The following PPARG variants were observed in gnomAD, a reference collection of about 807,000 sequenced individuals.
PPARG encodes peroxisome proliferator activated receptor gamma.
PPARG carries 17 observed loss-of-function variants against 39.2 expected under a neutral mutation model. That is an observed-to-expected ratio of 0.43 (90% CI 0.30 to 0.65). The LOEUF is 0.65. Among genes scored for constraint, PPARG ranks in the 30% least tolerant of loss-of-function variants. PPARG has a pLI of 0.13. For missense variants in PPARG, 406 were observed against 585.9 expected (o/e 0.69, Z 3.17); for synonymous variants, 223 against 215.7 (o/e 1.03, Z -0.30).
intron 2 of PPARG, among the ~76,000 whole-genome samples, chr3:12,342,132 A>G (rs529550214): frequency 2.3e-4 from 35 of 152,322 alleles, no homozygotes; most frequent in African/African-American, 7.9e-4. Context: ...CACATCCCCT[A>G]TGGTATATTC....
At chr3:12,299,376 C>A (rs1015404900) in intron 1 of PPARG, among the ~76,000 whole-genome samples, 4 of 152,130 alleles carry the variant, frequency 2.6e-5, no homozygotes, top group African/African-American at 9.7e-5. Flanking sequence ...ACCGTGGACT[C>A]AGGGGGCTCT....
At position 12,307,296 on chromosome 3, in the gene PPARG, A is replaced by G. The variant is rs74316394; in HGVS notation, c.-82-5084A>G. On this transcript the variant is annotated intron_variant, in intron 1 of 7. Transcript: ENST00000651735. ...CGGCTCATCTTGTGTCTGGCCTCTA[A>G]TTGAATCAGTCAGCTATGGTGGGGT... is the stretch of plus-strand genomic sequence containing the variant. Among the ~76,000 whole-genome samples the G allele has an allele frequency of 6.1e-3, 934 of 152,206 alleles. 10 individuals carry two copies. The highest frequency in any genetic ancestry group is 0.021 in the African/African-American group (852 of 41,518).
chr3:12,321,036 C>G (rs570937022), intron 2 of PPARG, among the ~76,000 whole-genome samples: 3 of 152,290 alleles, frequency 2.0e-5, no homozygotes, highest in East Asian at 3.9e-4. Context: ...TCAGTTTTCT[C>G]TTTTATGTTA....
chr3:12,357,513 A>T (rs1192922554), intron 2 of PPARG, among the ~76,000 whole-genome samples: 7 of 152,180 alleles, frequency 4.6e-5, no homozygotes. Flanking sequence ...CAGGGGAATT[A>T]CATATCCTCC....
chr3:12,418,764 C>G (rs1306306619), intron 7 of PPARG, among the ~76,000 whole-genome samples: 3 of 152,180 alleles, frequency 2.0e-5, no homozygotes, highest in Non-Finnish European at 4.4e-5. Flanking sequence ...CATGCTGGCT[C>G]AGACTCTACA....
chr3:12,342,358 A>G (rs1229091494), intron 2 of PPARG, among the ~76,000 whole-genome samples: 3 of 152,192 alleles, frequency 2.0e-5, no homozygotes, highest in African/African-American at 7.2e-5. Flanking sequence ...TAGATTTAAA[A>G]CAGCTTAGGA....
At chr3:12,392,493 G>A in intron 4 of PPARG, 121 bp from the exon 5 acceptor site, 2 of 1,101,196 alleles carry the variant, frequency 1.8e-6, no homozygotes, top group South Asian at 1.3e-5. Flanking sequence ...AGTCACCAGT[G>A]ACAGAATCGT....
At chr3:12,373,050 T>C (rs1301966226) in intron 2 of PPARG, among the ~76,000 whole-genome samples, 1 of 152,198 alleles carries the variant, frequency 6.6e-6, no homozygotes, top group African/African-American at 2.4e-5. Flanking sequence ...TTCATGCAAA[T>C]ATTTTGTTCA....
chr3:12,433,823 C>G, intron 7 of PPARG, 75 bp from the exon 8 acceptor site: 1 of 1,605,856 alleles, frequency 6.2e-7, no homozygotes, highest in Non-Finnish European at 8.5e-7. Flanking sequence ...GTAGAGCTGC[C>G]TAGGCCTCCA....
At chr3:12,381,572 A>G in intron 4 of PPARG, 81 bp downstream of exon 4, 1 of 1,429,532 alleles carries the variant, frequency 7.0e-7, no homozygotes, top group African/African-American at 1.4e-5. Context: ...TAGGTGATAC[A>G]ATATATGAAT....
intron 7 of PPARG, among the ~76,000 whole-genome samples, chr3:12,425,809 G>A (rs1053907569): frequency 6.6e-6 from 1 of 152,176 alleles, no homozygotes; most frequent in Admixed American, 6.5e-5. Context: ...TGACTAGAAC[G>A]ACAGGGGGCC....
intron 1 of PPARG, among the ~76,000 whole-genome samples, chr3:12,295,338 C>A (rs1374016827): frequency 6.6e-6 from 1 of 152,056 alleles, no homozygotes; most frequent in East Asian, 1.9e-4. Context: ...CTTCAAAAAT[C>A]ATTTGCATAT....
chr3:12,376,446 G>A (rs2049413172), intron 2 of PPARG, among the ~76,000 whole-genome samples: 1 of 152,068 alleles, frequency 6.6e-6, no homozygotes, highest in African/African-American at 2.4e-5. Flanking sequence ...AAAGCAAGAG[G>A]CCCATGCACA....
At chr3:12,363,350 G>T (rs2048915105) in intron 2 of PPARG, among the ~76,000 whole-genome samples, 1 of 152,214 alleles carries the variant, frequency 6.6e-6, no homozygotes, top group South Asian at 2.1e-4. Context: ...CTTCAAATCA[G>T]CTCATAACCA....
intron 2 of PPARG, among the ~76,000 whole-genome samples, chr3:12,345,783 G>A (rs900432256): frequency 3.3e-5 from 5 of 152,308 alleles, no homozygotes; most frequent in South Asian, 4.1e-4. Flanking sequence ...GTGCAGCTCC[G>A]CGGCTCTACG....
intron 5 of PPARG, among the ~76,000 whole-genome samples, chr3:12,393,190 A>ATTTTTTTTTTTTTTTTTTTTT (rs143287325): frequency 1.8e-5 from 2 of 111,542 alleles, no homozygotes; most frequent in Non-Finnish European, 1.8e-5. Context: ...GATTCATTTA[A>ATTTTTTTTTTTTTTTTTTTTT]TTTTTTTTTT....
chr3:12,365,230 C>T (rs2048976251), intron 2 of PPARG, among the ~76,000 whole-genome samples: 1 of 152,206 alleles, frequency 6.6e-6, no homozygotes, highest in Admixed American at 6.5e-5. Context: ...CAGCCTGATT[C>T]CTCCCAGGCC....
At chr3:12,417,248 G>T in intron 7 of PPARG, 94 bp downstream of exon 7, 1 of 1,219,066 alleles carries the variant, frequency 8.2e-7, no homozygotes, top group Non-Finnish European at 1.2e-6. Context: ...AGTCTGCATT[G>T]TCACTTTAAG....
chr3:12,377,636 A>T (rs767266801), intron 2 of PPARG, among the ~76,000 whole-genome samples: 17 of 152,324 alleles, frequency 1.1e-4, no homozygotes, highest in Middle Eastern at 3.4e-3. Flanking sequence ...AAGCATTATA[A>T]ATACAAGTAG....
Sources: gnomAD v4.1 joint callset for allele counts (sites outside exome capture counted in the v4.1 genomes callset) on GRCh38, gnomAD v4.1.1 for gene constraint, MANE v1.5 for transcripts, NCBI Gene and HGNC (gene_info 2026-07-23, HGNC 2026-07-21) for gene names.